Variants in RUVBL1 observed in about 807,000 individuals in gnomAD.
The protein encoded by RUVBL1 is ruvB-like 1.
A neutral mutation model predicts 52.4 loss-of-function variants in RUVBL1; 4 were observed. The observed-to-expected ratio is 0.08, with a 90% CI of 0.04 to 0.17. The LOEUF (loss-of-function observed/expected upper bound fraction) is 0.17, where lower values mean the gene tolerates loss of function less well. Ranked by LOEUF, RUVBL1 falls within the 10% of genes least tolerant of loss-of-function variation. The pLI is 1.00. For synonymous variants in RUVBL1, 217 were observed against 214.4 expected (o/e 1.01, Z -0.10); for missense variants, 298 against 572.8 (o/e 0.52, Z 4.90).
At chr3:128,076,258 G>C (rs1942319620), downstream of RUVBL1, among the ~76,000 whole-genome samples, 3 of 152,244 alleles carry the variant, frequency 2.0e-5, no homozygotes, top group African/African-American at 4.8e-5. The surrounding 1 kb of genome is among the most constrained non-coding windows in gnomAD (Gnocchi z 6.8). Context: ...TCCTCACCCG[G>C]TGGGGAGCGA....
chr3:128,152,888 T>TCCCCCCCGCCCCCCCCCGC (rs1559843129), intron 1 of RUVBL1, among the ~76,000 whole-genome samples: 34 of 22,360 alleles, frequency 1.5e-3, no homozygotes, highest in South Asian at 0.013. Flanking sequence ...ATTTGCCCCC[T>TCCCCCCCGCCCCCCCCCGC]CCCCCACGTC....
intron 1 of RUVBL1, among the ~76,000 whole-genome samples, chr3:128,131,121 C>A (rs1463174024): frequency 6.6e-6 from 1 of 152,094 alleles, no homozygotes; most frequent in African/African-American, 2.4e-5. Context: ...ACCAGTCCTT[C>A]CCAAACTCTT....
At chr3:128,068,151 TGG>T in intron 9 of RUVBL1, 1 of 888,752 alleles carries the variant, frequency 1.1e-6, no homozygotes. Context: ...TAGCACTTAC[TGG>T]GTCACTAAAT....
intron 9 of RUVBL1, among the ~76,000 whole-genome samples, chr3:128,086,921 A>T (rs559854124): frequency 6.6e-6 from 1 of 152,350 alleles, no homozygotes; most frequent in African/African-American, 2.4e-5. Flanking sequence ...GCTCACGCAG[A>T]CTTCAGGGCA....
At chr3:128,106,814 C>T (rs1943252727) in intron 3 of RUVBL1, among the ~76,000 whole-genome samples, 1 of 152,186 alleles carries the variant, frequency 6.6e-6, no homozygotes, top group African/African-American at 2.4e-5. Flanking sequence ...CACCCTCAAC[C>T]TCAGCACTAA....
At chr3:128,125,206 G>A (rs1309594397), upstream of RUVBL1, among the ~76,000 whole-genome samples, 2 of 151,514 alleles carry the variant, frequency 1.3e-5, no homozygotes, top group Admixed American at 6.6e-5. Flanking sequence ...TAGTAGAGAC[G>A]GGGTTTCACC....
At chr3:128,131,025 G>A (rs917972127) in intron 1 of RUVBL1, among the ~76,000 whole-genome samples, 1 of 151,194 alleles carries the variant, frequency 6.6e-6, no homozygotes, top group Admixed American at 6.6e-5. Flanking sequence ...AGGCTGAGGC[G>A]GTAGGATCAC....
At chr3:128,102,355 A>G (rs1205177514) in intron 4 of RUVBL1, among the ~76,000 whole-genome samples, 1 of 152,274 alleles carries the variant, frequency 6.6e-6, no homozygotes, top group Non-Finnish European at 1.5e-5. Context: ...ATCTCCAGGA[A>G]AGGAAATAAG....
chr3:128,108,626 G>A (rs1456660063), intron 3 of RUVBL1, among the ~76,000 whole-genome samples: 3 of 151,830 alleles, frequency 2.0e-5, no homozygotes, highest in Non-Finnish European at 2.9e-5. Flanking sequence ...TTCAGCCCAG[G>A]AAACAGATTG....
intron 5 of RUVBL1, 60 bp downstream of exon 5, chr3:128,101,499 C>T (rs926988413): frequency 2.7e-6 from 4 of 1,507,888 alleles, no homozygotes; most frequent in Non-Finnish European, 2.8e-6. Flanking sequence ...TCCCTTGTCA[C>T]TTAGGTCTTC....
rs1942494645 is a variant in RUVBL1, at chr3:128,082,181, C to T, written c.1211+302G>A. 1 of 303,330 alleles carries T rather than the reference C, an allele frequency of 3.3e-6. No homozygotes were observed. Among genetic ancestry groups the T allele is most frequent in the Non-Finnish European group, 6.2e-6 (1 of 161,700 alleles). 18.8% of individuals were successfully genotyped at this position (303,330 alleles called of 1,614,324 possible). On this transcript the variant is annotated intron_variant, in intron 10 of 10. Transcript: ENST00000322623. This position sits in a 1 kb window ranked among gnomAD's most constrained non-coding sequence, Gnocchi z 4.7. The stretch of plus-strand genomic sequence containing the variant: ...TGGCTAATGAGCTACCACATGGTCC[C>T]TGCTCTCTAGTTCTGTGCATCTTCT...
chr3:128,096,997 A>G (rs1039228234), intron 8 of RUVBL1, among the ~76,000 whole-genome samples: 1 of 152,180 alleles, frequency 6.6e-6, no homozygotes, highest in Non-Finnish European at 1.5e-5. Flanking sequence ...TCATGTGTAT[A>G]ATGTCATCAA....
chr3:128,108,054 C>G (rs772617482), intron 3 of RUVBL1, among the ~76,000 whole-genome samples: 1 of 152,238 alleles, frequency 6.6e-6, no homozygotes, highest in Non-Finnish European at 1.5e-5. Flanking sequence ...AGGGGCTGAG[C>G]TGGCGCTATC....
At chr3:128,064,827 A>G (rs779672456) in exon 10 of RUVBL1, 10 of 1,502,200 alleles carry the variant, frequency 6.7e-6, no homozygotes, top group Admixed American at 2.2e-5. Context: ...CTAGAAGCAA[A>G]TTGAGTTGCC....
At chr3:128,153,741 G>T (rs1342685750) in exon 1 of RUVBL1, 3 of 1,538,458 alleles carry the variant, frequency 1.9e-6, no homozygotes, top group South Asian at 1.2e-5. Context: ...CCGAGGCCGA[G>T]CCCGAGCCCG....
intron 9 of RUVBL1, chr3:128,071,701 G>A (rs10934848): frequency 0.87 from 132,155 of 152,772 alleles, 57,402 homozygotes; most frequent in African/African-American, 0.94. Flanking sequence ...ATGTTCTCTT[G>A]ATTTTAAATT....
Position 128,098,652 on chromosome 3 carries a change from T to C in RUVBL1, c.817+230A>G, listed in dbSNP as rs993455476. On this transcript the variant is annotated intron_variant, in intron 7 of 10. Transcript: ENST00000322623. ...ACAAATCCCTATTTCTGGGGCCTCA[T>C]AGGGGCCAGAAACTGTGACTGCAGT... is the stretch of plus-strand genomic sequence containing the variant. Among the ~76,000 whole-genome samples, 7 of 152,242 alleles carry C rather than the reference T, an allele frequency of 4.6e-5. No individual in the cohort carries two copies. The South Asian group carries it at 8.3e-4, about 18-fold the overall frequency.
chr3:128,106,641 G>A (rs1167253013), intron 3 of RUVBL1, among the ~76,000 whole-genome samples: 2 of 152,220 alleles, frequency 1.3e-5, no homozygotes, highest in Non-Finnish European at 2.9e-5. Context: ...GTGAATGGAT[G>A]AATGAATGAA....
At chr3:128,148,840 C>G (rs773719687) in intron 1 of RUVBL1, among the ~76,000 whole-genome samples, 22 of 152,160 alleles carry the variant, frequency 1.4e-4, no homozygotes, top group Non-Finnish European at 2.9e-4. Flanking sequence ...AGAGATTGTT[C>G]CCAAGTAGTG....
Sources: allele counts gnomAD v4.1 joint callset (sites outside exome capture counted in the v4.1 genomes callset), GRCh38; gene constraint gnomAD v4.1.1; non-coding constraint Gnocchi (gnomAD v3.1); transcripts MANE v1.5; gene names NCBI Gene and HGNC (gene_info 2026-07-23, HGNC 2026-07-21).